The following UGT1A7 variants were observed in gnomAD, a reference collection of about 807,000 sequenced individuals.
The protein encoded by UGT1A7 is UDP glucuronosyltransferase family 1 member A7.
UGT1A7 carries 33 observed loss-of-function variants against 45.6 expected under a neutral mutation model. The ratio of observed to expected loss-of-function variants is 0.72; its 90% CI spans 0.55 to 0.97. The LOEUF is 0.97. Ranked by LOEUF, UGT1A7 falls within the 50% of genes least tolerant of loss-of-function variation. The pLI is 0.00. For missense variants in UGT1A7, 684 were observed against 666.2 expected, an observed-to-expected ratio of 1.03 and a Z score of -0.29; for synonymous variants, 274 against 250.6, an observed-to-expected ratio of 1.09 and a Z score of -0.88.
intron 1 of UGT1A7, chr2:233,692,815 A>G: frequency 7.0e-7 from 1 of 1,427,232 alleles, no homozygotes; most frequent in Non-Finnish European, 9.1e-7. Context: ...GTTGGTTCAT[A>G]TTAACCATGT....
At chr2:233,695,143 T>TTTTTTTTG in intron 1 of UGT1A7, among the ~76,000 whole-genome samples, 1 of 151,230 alleles carries the variant, frequency 6.6e-6, no homozygotes, top group Non-Finnish European at 1.5e-5. Context: ...TTTTTTTTTT[T>TTTTTTTTG]TGAGACAGAG....
chr2:233,691,690 A>G, intron 1 of UGT1A7: 9 of 347,980 alleles, frequency 2.6e-5, no homozygotes, highest in Non-Finnish European at 3.1e-5. Flanking sequence ...CCTGAAGCTC[A>G]GGAGAGGAGT....
chr2:233,710,208 A>C (rs2076119375), intron 1 of UGT1A7, among the ~76,000 whole-genome samples: 1 of 152,230 alleles, frequency 6.6e-6, no homozygotes, highest in South Asian at 2.1e-4. Context: ...GTTGTTGGCT[A>C]TTATGAATAA....
intron 1 of UGT1A7, among the ~76,000 whole-genome samples, chr2:233,695,373 C>T (rs1408042500): frequency 6.6e-6 from 1 of 151,854 alleles, no homozygotes; most frequent in Non-Finnish European, 1.5e-5. Flanking sequence ...GTCCGCCCAC[C>T]CCAGCCTCCC....
intron 1 of UGT1A7, among the ~76,000 whole-genome samples, chr2:233,748,618 A>C (rs1693989707): frequency 1.3e-5 from 2 of 151,764 alleles, no homozygotes; most frequent in Non-Finnish European, 2.9e-5. Flanking sequence ...CGAACGTGGG[A>C]TATATGTCTG....
At chr2:233,761,312 C>T (rs1697739836) in intron 1 of UGT1A7, among the ~76,000 whole-genome samples, 2 of 152,232 alleles carry the variant, frequency 1.3e-5, no homozygotes, top group Non-Finnish European at 2.9e-5. Flanking sequence ...CTGTCTTTGG[C>T]ATCATCTTCT....
At chr2:233,718,247 CA>C (rs1259915716) in intron 1 of UGT1A7, among the ~76,000 whole-genome samples, 1 of 152,186 alleles carries the variant, frequency 6.6e-6, no homozygotes, top group African/African-American at 2.4e-5. Flanking sequence ...TTGAGCTTTA[CA>C]AGAAATATCC....
chr2:233,691,576 G>A (rs1251498090), intron 1 of UGT1A7: 1 of 985,544 alleles, frequency 1.0e-6, no homozygotes, highest in African/African-American at 1.7e-5. Flanking sequence ...CTCTCACTGG[G>A]ACAGCCTAGT....
chr2:233,747,202 T>A (rs1693588071), intron 1 of UGT1A7: 1 of 1,604,794 alleles, frequency 6.2e-7, no homozygotes, highest in South Asian at 1.1e-5. Flanking sequence ...GCTGTCCGTG[T>A]CTTCTGCTGA....
intron 1 of UGT1A7, chr2:233,730,081 C>G: frequency 1.2e-6 from 2 of 1,603,798 alleles, no homozygotes; most frequent in Non-Finnish European, 8.5e-7. Context: ...TCCATATTTA[C>G]TTATCTTTCC....
chr2:233,772,383 C>T lies in UGT1A7; in HGVS notation c.1417C>T (p.Pro473Ser). The T allele has an allele frequency of 1.2e-6, 2 of 1,614,238 alleles. No individual in the cohort carries two copies. The highest frequency in any genetic ancestry group is 1.3e-5 in the African/African-American group (1 of 75,068). The change falls in exon 5 of 5, where the codon CCC becomes TCC. Residue 473 changes from proline (P) to serine (S), a missense_variant. Transcript: ENST00000373426. ...MRHKGAPHLR[P>S]AAHDLTWYQY... Reference sequence around the variant, plus strand: ...GCACAAGGGCGCGCCACACCTGCGCCCCGCAGCCCACGACCTCACCTGGTA... The same window carrying T: ...GCACAAGGGCGCGCCACACCTGCGCTCCGCAGCCCACGACCTCACCTGGTA...
rs527503361 is a variant in UGT1A7 at position 233,743,746 on chromosome 2, C to G, written c.856-23288C>G. 8 of 1,367,246 alleles carry G rather than the reference C, an allele frequency of 5.9e-6. No individual in the cohort carries two copies. The South Asian group carries it at 6.8e-5, about 12-fold the overall frequency. The allele number at this position is 1,367,246 out of a possible 1,614,324, so 84.7% of individuals were successfully genotyped here. On this transcript the variant is annotated intron_variant, in intron 1 of 4. Transcript: ENST00000373426. ...CATAGATATCGCGTTTCTTGGCGTC[C>G]GACAACACCTCGTAGGCCTCGGCCA...
intron 1 of UGT1A7, among the ~76,000 whole-genome samples, chr2:233,739,955 T>C (rs2125826386): frequency 6.6e-6 from 1 of 152,058 alleles, no homozygotes; most frequent in South Asian, 2.1e-4. Flanking sequence ...TGGTGGGAGC[T>C]GATTGAATCA....
chr2:233,702,967 T>A (rs28899180), intron 1 of UGT1A7, among the ~76,000 whole-genome samples: 1,929 of 152,294 alleles, frequency 0.013, 44 homozygotes, highest in African/African-American at 0.043. Flanking sequence ...ACTGGCCTTG[T>A]AGAAGAAACT....
intron 1 of UGT1A7, among the ~76,000 whole-genome samples, chr2:233,752,803 G>A (rs140636687): frequency 3.1e-4 from 47 of 152,278 alleles, no homozygotes; most frequent in African/African-American, 1.1e-3. Flanking sequence ...TTCTGTAGAA[G>A]GAACACTTCC....
At chr2:233,744,867 G>T (rs1318227544) in intron 1 of UGT1A7, among the ~76,000 whole-genome samples, 4 of 151,860 alleles carry the variant, frequency 2.6e-5, no homozygotes, top group African/African-American at 7.3e-5. Flanking sequence ...ATTCTGAAGG[G>T]ATTAGTTTAG....
intron 1 of UGT1A7, among the ~76,000 whole-genome samples, chr2:233,758,825 C>CA: frequency 6.6e-6 from 1 of 152,232 alleles, no homozygotes. Flanking sequence ...ATATCCCCCC[C>CA]AAAAAGAGTG....
intron 1 of UGT1A7, among the ~76,000 whole-genome samples, chr2:233,717,231 A>C (rs2076558649): frequency 6.6e-6 from 1 of 152,160 alleles, no homozygotes; most frequent in African/African-American, 2.4e-5. Flanking sequence ...GAGGGTTCTT[A>C]AGATGCAGAC....
chr2:233,726,305 A>G (rs1451221769), intron 1 of UGT1A7, among the ~76,000 whole-genome samples: 1 of 152,118 alleles, frequency 6.6e-6, no homozygotes, highest in African/African-American at 2.4e-5. Flanking sequence ...AGGTGGGAGG[A>G]TCATTGAGCT....
Sources: allele counts gnomAD v4.1 joint callset (sites outside exome capture counted in the v4.1 genomes callset), GRCh38; gene constraint gnomAD v4.1.1; transcripts MANE v1.5; gene names NCBI Gene and HGNC (gene_info 2026-07-23, HGNC 2026-07-21).